Variants in HPD observed in about 807,000 individuals in gnomAD.
HPD encodes 4-hydroxyphenylpyruvic acid oxidase.
Under a neutral mutation model 56.9 loss-of-function variants are expected in HPD, and 35 were observed. The ratio of observed to expected loss-of-function variants is 0.62; its 90% CI spans 0.47 to 0.82. HPD has a LOEUF of 0.82. Ranked by LOEUF, HPD falls within the 40% of genes least tolerant of loss-of-function variation. HPD has a pLI of 0.00. For synonymous variants in HPD, 186 were observed against 200.2 expected (o/e 0.93, Z 0.60); for missense variants, 442 against 506.8 (o/e 0.87, Z 1.23).
At chr12:121,876,677 G>A in the HPD span, among the ~76,000 whole-genome samples, 1 of 152,146 alleles carries the variant, frequency 6.6e-6, no homozygotes, top group South Asian at 2.1e-4. Flanking sequence ...TTGGAGCACT[G>A]ACTTTCATCG....
chr12:121,851,074 G>A (rs760102142), intron 7 of HPD, among the ~76,000 whole-genome samples: 5 of 151,920 alleles, frequency 3.3e-5, no homozygotes, highest in Non-Finnish European at 7.4e-5. Context: ...TGTTGGTCAG[G>A]CTGGTCTCAA....
Position 121,839,645 on chromosome 12 carries a change from G to T in HPD, c.*83C>A. On this transcript the variant is annotated 3_prime_UTR_variant, in exon 14 of 14. Coordinates refer to ENST00000289004, the MANE Select transcript of HPD (RefSeq NM_002150.3). ...TCCGCTGGTGGGCGGGACCCAAGGG[G>T]AGCAGCCAGTAGGGAAGTTGGGCGA... 9.8e-7 allele frequency: 1 copy of T among 1,021,658 alleles called. No individual in the cohort carries two copies. The allele number at this position is 1,021,658 out of a possible 1,614,324, so 63.3% of individuals were successfully genotyped here.
At chr12:121,880,896 G>C in the HPD span, among the ~76,000 whole-genome samples, 1 of 152,158 alleles carries the variant, frequency 6.6e-6, no homozygotes, top group African/African-American at 2.4e-5. Flanking sequence ...CCAGGCTCAA[G>C]CAATCCCCCC....
the HPD span, among the ~76,000 whole-genome samples, chr12:121,870,774 TTAGTAGAG>T: frequency 1.3e-5 from 2 of 151,786 alleles, no homozygotes. Context: ...TTTTGTATTT[TTAGTAGAG>T]ATGGGGTTTC....
upstream of HPD, among the ~76,000 whole-genome samples, chr12:121,865,570 C>A (rs1474839402): frequency 2.1e-5 from 3 of 143,430 alleles, no homozygotes; most frequent in Admixed American, 7.1e-5. Flanking sequence ...TGCCCAGCCA[C>A]GACACTCTCT....
upstream of HPD, among the ~76,000 whole-genome samples, chr12:121,864,436 C>T (rs1415187763): frequency 6.6e-6 from 1 of 151,574 alleles, no homozygotes; most frequent in Admixed American, 6.6e-5. Context: ...GCCCGTAGTC[C>T]CAGCTACTCA....
the HPD span, among the ~76,000 whole-genome samples, chr12:121,887,765 T>G: frequency 6.6e-6 from 1 of 152,208 alleles, no homozygotes; most frequent in African/African-American, 2.4e-5. Flanking sequence ...TTATTCCCCA[T>G]GTGTATTTCA....
the HPD span, among the ~76,000 whole-genome samples, chr12:121,876,810 G>A: frequency 1.3e-5 from 2 of 152,086 alleles, no homozygotes; most frequent in South Asian, 2.1e-4. Flanking sequence ...GTGGCAGGGC[G>A]CGGTGGCTCA....
At chr12:121,855,611 G>A (rs1057198649) in intron 6 of HPD, among the ~76,000 whole-genome samples, 4 of 152,050 alleles carry the variant, frequency 2.6e-5, no homozygotes, top group Admixed American at 6.6e-5. Context: ...CAGCTACTCG[G>A]GAGGCTGAGG....
At chr12:121,887,541 T>G in the HPD span, among the ~76,000 whole-genome samples, 1 of 151,916 alleles carries the variant, frequency 6.6e-6, no homozygotes, top group Non-Finnish European at 1.5e-5. Context: ...CGGCTAATAT[T>G]TTATATTTTT....
upstream of HPD, among the ~76,000 whole-genome samples, chr12:121,863,843 G>C (rs968493249): frequency 2.0e-5 from 3 of 151,858 alleles, no homozygotes; most frequent in Non-Finnish European, 4.4e-5. Context: ...GGAAATTTGT[G>C]AAAATCCAGG....
chr12:121,862,729 G>A (rs2137640557), upstream of HPD, among the ~76,000 whole-genome samples: 1 of 129,416 alleles, frequency 7.7e-6, no homozygotes, highest in South Asian at 2.5e-4. Context: ...TTTTTAGGCT[G>A]GAGTGCAATG....
chr12:121,839,538 C>T lies in HPD; in HGVS notation c.*190G>A, dbSNP rs942325148. The T allele has an allele frequency of 3.2e-6, 2 of 625,686 alleles. No homozygotes were observed. Among genetic ancestry groups the T allele is most frequent in the East Asian group, 2.7e-5 (1 of 36,686 alleles). The allele number at this position is 625,686 out of a possible 1,614,324, so 38.8% of individuals were successfully genotyped here. On this transcript the variant is annotated 3_prime_UTR_variant, in exon 14 of 14. Coordinates refer to ENST00000289004, the MANE Select transcript of HPD (RefSeq NM_002150.3). ...ACACAGACACAGTATTGGACCGGGG[C>T]ACGCTTTAATCGGGAGGGCTGGAGC...
chr12:121,885,347 A>C, the HPD span, among the ~76,000 whole-genome samples: 1 of 151,964 alleles, frequency 6.6e-6, no homozygotes, highest in Non-Finnish European at 1.5e-5. Context: ...GACTACAGGC[A>C]TGAGTCACCA....
intron 7 of HPD, among the ~76,000 whole-genome samples, chr12:121,852,397 T>C (rs1016854764): frequency 1.3e-5 from 2 of 151,978 alleles, no homozygotes; most frequent in African/African-American, 2.4e-5. Context: ...CTCGAACTCC[T>C]GGCCTCAAGT....
the HPD span, among the ~76,000 whole-genome samples, chr12:121,876,460 C>T: frequency 6.6e-6 from 1 of 152,104 alleles, no homozygotes; most frequent in Admixed American, 6.6e-5. Flanking sequence ...CCAGGGAGGC[C>T]GAACAGCTGA....
At chr12:121,880,241 C>T in the HPD span, among the ~76,000 whole-genome samples, 2 of 150,740 alleles carry the variant, frequency 1.3e-5, no homozygotes, top group Non-Finnish European at 2.9e-5. Context: ...CTTGCTCTGT[C>T]GCCCAGACTC....
intron 8 of HPD, among the ~76,000 whole-genome samples, chr12:121,849,374 G>A (rs1205300628): frequency 6.6e-6 from 1 of 151,982 alleles, no homozygotes; most frequent in Admixed American, 6.6e-5. Context: ...ATTTTATTTT[G>A]TCAACTCATT....
chr12:121,856,384 T>C lies in HPD; in HGVS notation c.264A>G (p.Lys88=). The change falls in exon 6 of 14, where the codon AAA becomes AAG. Residue 88 remains lysine (K), a synonymous_variant. Transcript: ENST00000289004. The stretch of plus-strand genomic sequence containing the variant: ...CAATGTCCTTCACTCCGTCACCGTG[T>C]TTCACCAGGTGATCGCCCATCTCTG... ...WNKEMGDHLV[K]HGDGVKDIAF... is the part of the protein sequence containing the mutation. 1 of 1,614,114 alleles carries C rather than the reference T, an allele frequency of 6.2e-7. No homozygotes were observed.
Sources: allele counts gnomAD v4.1 joint callset (sites outside exome capture counted in the v4.1 genomes callset), GRCh38; gene constraint gnomAD v4.1.1; transcripts MANE v1.5; gene names NCBI Gene and HGNC (gene_info 2026-07-23, HGNC 2026-07-21).